Variants in DHX16 observed in about 807,000 individuals in gnomAD.
DHX16 encodes pre-mRNA-splicing factor ATP-dependent RNA helicase DHX16.
DHX16 carries 81 observed loss-of-function variants against 131.2 expected under a neutral mutation model. That is an observed-to-expected ratio of 0.62 (90% CI 0.52 to 0.74). The LOEUF (loss-of-function observed/expected upper bound fraction) is 0.74, where lower values mean the gene tolerates loss of function less well. Among genes scored for constraint, DHX16 ranks in the 30% least tolerant of loss-of-function variants. The pLI, the probability that DHX16 is intolerant of heterozygous loss-of-function variation, is 0.00. For missense variants in DHX16, 980 were observed against 1,363.1 expected (o/e 0.72, Z 4.43); for synonymous variants, 440 against 520.2 (o/e 0.85, Z 2.10).
chr6:30,669,661 G>A (rs1278208760), intron 4 of DHX16, among the ~76,000 whole-genome samples: 2 of 150,384 alleles, frequency 1.3e-5, no homozygotes, highest in Non-Finnish European at 2.9e-5. Flanking sequence ...GGAGGCGGAG[G>A]TTGCAGTGAG....
Position 30,655,589 on chromosome 6 carries a change from C to A in DHX16, c.2507G>T (p.Cys836Phe), listed in dbSNP as rs757650892. The A allele has an allele frequency of 6.2e-7, 1 of 1,613,106 alleles. No homozygotes were observed. Among genetic ancestry groups the A allele is most frequent in the Non-Finnish European group, 8.5e-7 (1 of 1,180,040 alleles). Residue 836 changes from cysteine to phenylalanine, a missense_variant, in exon 17 of 20, where the codon TGT becomes TTT. Cys to Phe is a radical substitution (Grantham distance 205, BLOSUM62 -2). This residue lies in a region of DHX16 where 214 missense variants were observed against 271.2 expected (regional missense o/e 0.79). Transcript: ENST00000376442. ...AGCCACTGTCAGGATCTCCTCTGAA[C>A]AGCTGTACCTGGGACAGGAAGGGGA... ...KMILASEKYS[C>F]SEEILTVAAM...
At chr6:30,664,520 C>A (rs1294921128) in intron 7 of DHX16, among the ~76,000 whole-genome samples, 1 of 151,516 alleles carries the variant, frequency 6.6e-6, no homozygotes, top group Non-Finnish European at 1.5e-5. Context: ...GGAAAATAGT[C>A]CTTTAACTCC....
chr6:30,653,412 C>G, intron 19 of DHX16, 42 bp from the exon 20 acceptor site: 3 of 1,556,588 alleles, frequency 1.9e-6, no homozygotes, highest in Non-Finnish European at 2.6e-6. Flanking sequence ...TTCTTTCCAA[C>G]ATAGATCTTT....
chr6:30,672,793 A>T lies in DHX16; in HGVS notation c.49T>A (p.Ser17Thr). 1.2e-6 allele frequency: 2 copies of T among 1,612,954 alleles called. No homozygotes were observed. The highest frequency in any genetic ancestry group is 1.7e-6 in the Non-Finnish European group (2 of 1,180,024). ...LERWVQDELH[S>T]VLGLSERHVA... ...TGCCGCTCGCTCAGCCCCAACACCG[A>T]GTGCAGCTCGTCCTGAACCCAGCGC... The change falls in exon 1 of 20, where the codon TCG becomes ACG. Residue 17 changes from serine to threonine, a missense_variant. Physicochemically the swap from Ser to Thr is moderately conservative, Grantham distance 58. This residue lies in a region of DHX16 where 457 missense variants were observed against 554.8 expected (regional missense o/e 0.82). Coordinates refer to ENST00000376442, the MANE Select transcript of DHX16 (RefSeq NM_003587.5).
At position 30,656,174 on chromosome 6, in the gene DHX16, G is replaced by T; in HGVS notation, c.2498+24C>A. 6.2e-7 allele frequency: 1 copy of T among 1,610,716 alleles called. No individual in the cohort carries two copies. On this transcript the variant is annotated intron_variant, in intron 16 of 19. Transcript: ENST00000376442. This position sits in a 1 kb window ranked among gnomAD's most constrained non-coding sequence, Gnocchi z 5.1. ...GGCCTGGCCTGTTTGTGTGCTGGGG[G>T]CCCAGGTGGAGGCGAGGGCTTACTT...
Position 30,656,890 on chromosome 6 carries a change from G to C in DHX16, c.2148+62C>G. Reference sequence around the variant, plus strand: ...CCTAGGAAGCCCCCACCCTGCTTCTGAGTTGGACCTTCTCTGTGGGCCAAC... The same window carrying C: ...CCTAGGAAGCCCCCACCCTGCTTCTCAGTTGGACCTTCTCTGTGGGCCAAC... On this transcript the variant is annotated intron_variant, in intron 13 of 19. Coordinates refer to ENST00000376442, the MANE Select transcript of DHX16 (RefSeq NM_003587.5). This position sits in a 1 kb window ranked among gnomAD's most constrained non-coding sequence, Gnocchi z 5.1. 2 of 1,592,524 alleles carry C rather than the reference G, an allele frequency of 1.3e-6. No individual in the cohort carries two copies. The highest frequency in any genetic ancestry group is 1.7e-6 in the Non-Finnish European group (2 of 1,168,610).
rs1164551232 is a variant in DHX16, at chr6:30,662,921, A to G, written c.1418T>C (p.Leu473Pro). The G allele has an allele frequency of 6.2e-7, 1 of 1,612,976 alleles. No individual in the cohort carries two copies. Among genetic ancestry groups the G allele is most frequent in the Non-Finnish European group, 8.5e-7 (1 of 1,180,004 alleles). ...ARVAREMGVK[L>P]GNEVGYSIRF... ...CCCTAGAAATCTCACCTCATTCCCA[A>G]GCTTCACACCCATCTCCCGGGCCAC... Residue 473 changes from leucine to proline, a missense_variant, in exon 8 of 20, where the codon CTT (leucine) becomes CCT (proline). Coordinates refer to ENST00000376442, the MANE Select transcript of DHX16 (RefSeq NM_003587.5). This position sits in a 1 kb window ranked among gnomAD's most constrained non-coding sequence, Gnocchi z 4.7.
chr6:30,655,079 T>C (rs1362468026), intron 18 of DHX16, 96 bp downstream of exon 18: 3 of 1,528,780 alleles, frequency 2.0e-6, no homozygotes, highest in Non-Finnish European at 2.7e-6. Flanking sequence ...GAAGAGGGCA[T>C]GCTCTCACGC....
At chr6:30,653,448 ATTG>A in intron 19 of DHX16, 78 bp from the exon 20 acceptor site, 1 of 1,480,966 alleles carries the variant, frequency 6.8e-7, no homozygotes, top group Non-Finnish European at 9.0e-7. Context: ...TTTTTCTTAA[ATTG>A]AAACAGAGTC....
At chr6:30,672,596 G>T (rs757326648) in intron 1 of DHX16, 39 bp downstream of exon 1, 4 of 1,561,048 alleles carry the variant, frequency 2.6e-6, no homozygotes, top group Non-Finnish European at 3.5e-6. Context: ...CAGCCTCACC[G>T]GGACAAATCA....
At chr6:30,671,373 T>C (rs1769536360) in intron 1 of DHX16, 99 bp from the exon 2 acceptor site, 1 of 1,174,864 alleles carries the variant, frequency 8.5e-7, no homozygotes. Context: ...TAGTCTTTCC[T>C]GCCCCCGCGG....
chr6:30,670,285 T>C lies in DHX16; in HGVS notation c.666+125A>G. The C allele has an allele frequency of 8.6e-6, 8 of 930,728 alleles. No individual in the cohort carries two copies. In the South Asian group the frequency reaches 1.2e-4, roughly 14 times the overall value. The allele number at this position is 930,728 out of a possible 1,614,324, so 57.7% of individuals were successfully genotyped here. ...GCTCCTAACAACCAAGCCCCTCTTC[T>C]AGAAACCTGACCACCCCATCAGCAT... On this transcript the variant is annotated intron_variant, in intron 4 of 19. Coordinates refer to ENST00000376442, the MANE Select transcript of DHX16 (RefSeq NM_003587.5). This position sits in a 1 kb window ranked among gnomAD's most constrained non-coding sequence, Gnocchi z 4.4.
chr6:30,672,926 G>T lies in DHX16; in HGVS notation c.-85C>A. The T allele has an allele frequency of 6.4e-7, 1 of 1,573,370 alleles. No homozygotes were observed. The highest frequency in any genetic ancestry group is 8.6e-7 in the Non-Finnish European group (1 of 1,159,550). On this transcript the variant is annotated 5_prime_UTR_variant, in exon 1 of 20. Transcript: ENST00000376442. The stretch of plus-strand genomic sequence containing the variant: ...GCCGGTCAGAGGCCTGGAGCCCTCG[G>T]CTGGAGCCTCAGCTTCGCAAGTCAG...
rs1210092271 is a variant in DHX16, at chr6:30,671,016, T to C, written c.446+20A>G. 5 of 1,612,884 alleles carry C rather than the reference T, an allele frequency of 3.1e-6. No individual in the cohort carries two copies. The highest frequency in any genetic ancestry group is 3.4e-6 in the Non-Finnish European group (4 of 1,179,954). ...ACACTTCAGCCTGCCCCATCCTCTC[T>C]CACCCTGCTTCTGACTTACCCTGTT... On this transcript the variant is annotated intron_variant, in intron 2 of 19. Transcript: ENST00000376442.
At chr6:30,666,935 C>G (rs1769096435) in intron 4 of DHX16, among the ~76,000 whole-genome samples, 1 of 152,078 alleles carries the variant, frequency 6.6e-6, no homozygotes, top group African/African-American at 2.4e-5. Flanking sequence ...CTGGGTACCA[C>G]AGTCAAATAT....
intron 16 of DHX16, 60 bp from the exon 17 acceptor site, chr6:30,655,657 G>C: frequency 1.3e-6 from 2 of 1,577,244 alleles, no homozygotes; most frequent in Non-Finnish European, 1.7e-6. Context: ...AGATATGGTG[G>C]AGTGGGGAGT....
chr6:30,668,871 C>T (rs1159945699), intron 4 of DHX16, among the ~76,000 whole-genome samples: 3 of 152,166 alleles, frequency 2.0e-5, no homozygotes, highest in Non-Finnish European at 2.9e-5. Flanking sequence ...TTTGGGAGGC[C>T]GAGGCAGGTG....
Position 30,672,690 on chromosome 6 carries a change from T to C in DHX16, c.152A>G (p.Asp51Gly), listed in dbSNP as rs1282909984. Residue 51 changes from aspartate (D) to glycine (G), a missense_variant, in exon 1 of 20, where the codon GAT (aspartate) becomes GGT (glycine). Coordinates refer to ENST00000376442, the MANE Select transcript of DHX16 (RefSeq NM_003587.5). ...GGCCGGCCCACTGAGATCCAAGGTA[T>C]CAGTGTCTCGTAGGCGCTGCACGAA... is the stretch of plus-strand genomic sequence containing the variant. The part of the protein sequence containing the change: ...EEFVQRLRDT[D>G]TLDLSGPARD... The C allele has an allele frequency of 1.2e-6, 2 of 1,612,888 alleles. No homozygotes were observed. The highest frequency in any genetic ancestry group is 1.7e-6 in the Non-Finnish European group (2 of 1,179,942).
At chr6:30,658,349 C>G (rs989024821) in intron 12 of DHX16, among the ~76,000 whole-genome samples, 1 of 152,096 alleles carries the variant, frequency 6.6e-6, no homozygotes, top group African/African-American at 2.4e-5. Context: ...TTGAGACCAA[C>G]CTGGCCAAAA....
Sources: gnomAD v4.1 joint callset for allele counts (sites outside exome capture counted in the v4.1 genomes callset) on GRCh38, gnomAD v4.1.1 for gene constraint, gnomAD v4.1.1 regional missense constraint, Gnocchi (gnomAD v3.1) non-coding constraint, MANE v1.5 for transcripts, NCBI Gene and HGNC (gene_info 2026-07-23, HGNC 2026-07-21) for gene names.